Variants in DYM observed in about 807,000 individuals in gnomAD.
DYM encodes dymeclin.
Under a neutral mutation model 93.1 loss-of-function variants are expected in DYM, and 78 were observed. That is an observed-to-expected ratio of 0.84 (90% CI 0.70 to 1.01). The LOEUF is 1.01. DYM is among the 50% of genes least tolerant of loss of function. DYM has a pLI of 0.00. For missense variants in DYM, 789 were observed against 845.0 expected (o/e 0.93, Z 0.82); for synonymous variants, 321 against 319.7 (o/e 1.00, Z -0.04).
Position 49,208,178 on chromosome 18 carries a change from A to T in DYM, c.1625+1373T>A, listed in dbSNP as rs1321527825. Among the ~76,000 whole-genome samples, 3 of 111,458 alleles carry T rather than the reference A, an allele frequency of 2.7e-5. No homozygotes were observed. In the East Asian group the frequency reaches 7.8e-4, roughly 29 times the overall value. 73.1% of individuals were successfully genotyped at this position (111,458 alleles called of 152,430 possible). A position where few individuals can be genotyped will look rare whatever the true frequency, so the allele number is the denominator to read the frequency against. On this transcript the variant is annotated intron_variant, in intron 14 of 17. Transcript: ENST00000675505. ...AGCCTGGGTGACAGAGCAAGACTCCATCTCAAAAAAAAAAAAAAAAAAAAA... is the reference window on the plus strand; with the variant it reads ...AGCCTGGGTGACAGAGCAAGACTCCTTCTCAAAAAAAAAAAAAAAAAAAAA...
At chr18:49,393,022 G>C (rs866647025) in intron 2 of DYM, among the ~76,000 whole-genome samples, 13 of 83,838 alleles carry the variant, frequency 1.6e-4, no homozygotes, top group Admixed American at 1.3e-3. Flanking sequence ...AAGAAGAAGA[G>C]GAAGAAGGAG....
At position 49,075,100 on chromosome 18, in the gene DYM, C is replaced by T. The variant is rs527798885; in HGVS notation, c.2025+22302G>A. Among the ~76,000 whole-genome samples the T allele has an allele frequency of 3.3e-5, 5 of 152,344 alleles. No individual in the cohort carries two copies. The South Asian group carries it at 1.0e-3, about 32-fold the overall frequency. ...CAGGAAACCTAGCTTTCACCTGTGT[C>T]TCCTTGCTGAACAGAGACGAACAGC... On this transcript the variant is annotated intron_variant, in intron 17 of 17. Transcript: ENST00000675505.
intron 1 of DYM, among the ~76,000 whole-genome samples, chr18:49,441,752 A>G (rs912203532): frequency 6.6e-6 from 1 of 152,042 alleles, no homozygotes; most frequent in African/African-American, 2.4e-5. Flanking sequence ...AAGGAAGGCA[A>G]TTCACCCCAT....
intron 8 of DYM, among the ~76,000 whole-genome samples, chr18:49,303,853 A>G (rs2061104293): frequency 6.6e-6 from 1 of 152,210 alleles, no homozygotes; most frequent in Non-Finnish European, 1.5e-5. Flanking sequence ...TTTGGTTTTC[A>G]TATACATGGG....
At chr18:49,347,326 T>C (rs1022068044) in intron 6 of DYM, among the ~76,000 whole-genome samples, 7 of 152,224 alleles carry the variant, frequency 4.6e-5, no homozygotes, top group African/African-American at 1.7e-4. Context: ...GTTGGATTTT[T>C]GAATAATATA....
At chr18:49,241,224 C>A (rs545800687) in intron 13 of DYM, among the ~76,000 whole-genome samples, 1 of 152,326 alleles carries the variant, frequency 6.6e-6, no homozygotes, top group South Asian at 2.1e-4. Context: ...TCACTCACAA[C>A]TGAGAATCTG....
At chr18:49,154,801 A>G (rs1038187462) in intron 15 of DYM, among the ~76,000 whole-genome samples, 2 of 152,246 alleles carry the variant, frequency 1.3e-5, no homozygotes, top group African/African-American at 2.4e-5. Context: ...CTACACCTAC[A>G]AAGAAGAATA....
chr18:49,213,245 C>G (rs2146188891), intron 13 of DYM, among the ~76,000 whole-genome samples: 1 of 151,080 alleles, frequency 6.6e-6, no homozygotes, highest in South Asian at 2.1e-4. Flanking sequence ...ATGTATTTTT[C>G]AGTACTTTAA....
intron 15 of DYM, among the ~76,000 whole-genome samples, chr18:49,125,434 T>G (rs943649754): frequency 1.3e-5 from 2 of 152,176 alleles, no homozygotes; most frequent in African/African-American, 4.8e-5. Flanking sequence ...CCCTACTAGC[T>G]TGCATTGGCT....
intron 14 of DYM, among the ~76,000 whole-genome samples, chr18:49,204,144 T>C (rs975716255): frequency 4.6e-5 from 7 of 152,212 alleles, no homozygotes; most frequent in Non-Finnish European, 8.8e-5. Flanking sequence ...AGAAGAGTTA[T>C]ATGAACCCCA....
At chr18:49,441,281 T>TATATATATAC (rs1450923847) in intron 1 of DYM, among the ~76,000 whole-genome samples, 1 of 39,010 alleles carries the variant, frequency 2.6e-5, no homozygotes, top group Non-Finnish European at 4.1e-5. Context: ...ATATATTATA[T>TATATATATAC]AATTATATAT....
chr18:49,136,849 T>C (rs1308417507), intron 15 of DYM, among the ~76,000 whole-genome samples: 2 of 152,160 alleles, frequency 1.3e-5, no homozygotes, highest in Non-Finnish European at 2.9e-5. Flanking sequence ...CTTTCTTCTA[T>C]TGCATTTCTT....
intron 14 of DYM, among the ~76,000 whole-genome samples, chr18:49,191,119 G>A (rs934155662): frequency 6.6e-5 from 10 of 151,994 alleles, no homozygotes; most frequent in Non-Finnish European, 1.5e-5. Context: ...GCCCCACATC[G>A]TTCAAGGGTC....
chr18:49,061,176 A>G (rs80110741), intron 17 of DYM, among the ~76,000 whole-genome samples: 3 of 152,134 alleles, frequency 2.0e-5, no homozygotes, highest in Non-Finnish European at 4.4e-5. Context: ...GGAGGTGATA[A>G]TATCATCTGA....
intron 15 of DYM, among the ~76,000 whole-genome samples, chr18:49,132,165 C>T (rs2083436414): frequency 6.6e-6 from 1 of 151,990 alleles, no homozygotes. Flanking sequence ...TTTAGAGATG[C>T]ATACCAAAAT....
intron 15 of DYM, among the ~76,000 whole-genome samples, chr18:49,141,156 C>T (rs1429961865): frequency 2.0e-5 from 3 of 152,168 alleles, no homozygotes; most frequent in African/African-American, 7.2e-5. Context: ...TGACTCCGAA[C>T]ATTTTATTTA....
At chr18:49,159,229 G>C (rs895146057) in intron 15 of DYM, among the ~76,000 whole-genome samples, 1 of 152,138 alleles carries the variant, frequency 6.6e-6, no homozygotes. Flanking sequence ...AAATGAATTT[G>C]AGATCTAAGT....
intron 3 of DYM, among the ~76,000 whole-genome samples, chr18:49,382,627 C>T (rs1324185392): frequency 1.3e-5 from 2 of 151,746 alleles, no homozygotes; most frequent in Non-Finnish European, 2.9e-5. Flanking sequence ...TAGACTCTGA[C>T]GAAGTTCAAA....
In DYM at chr18:49,272,178, C is replaced by T. The variant is rs2094721231; in HGVS notation, c.1251G>A (p.Val417=). The T allele has an allele frequency of 6.2e-7, 1 of 1,612,002 alleles. No homozygotes were observed. Among genetic ancestry groups the T allele is most frequent in the Non-Finnish European group, 8.5e-7 (1 of 1,178,550 alleles). Residue 417 remains valine (V), a splice_region_variant and synonymous_variant, in exon 11 of 18, where the codon GTG becomes GTA. Transcript: ENST00000675505. The part of the protein sequence containing the change: ...DDGFNRSIHE[V]ILKNITWYSE... ...TCTAATCCAAGTAATGGTAACTTAC[C>T]ACTTCATGAATGGATCTGTTGAAGC...
Sources: gnomAD v4.1 joint callset for allele counts (sites outside exome capture counted in the v4.1 genomes callset) on GRCh38, gnomAD v4.1.1 for gene constraint, MANE v1.5 for transcripts, NCBI Gene and HGNC (gene_info 2026-07-23, HGNC 2026-07-21) for gene names.